SFMBT2: variants seen among roughly 807,000 people sequenced by gnomAD.
SFMBT2 encodes scm-like with four MBT domains protein 2.
Under a neutral mutation model 110.1 loss-of-function variants are expected in SFMBT2, and 38 were observed. That is an observed-to-expected ratio of 0.35 (90% CI 0.27 to 0.45). SFMBT2 has a LOEUF of 0.45. Among genes scored for constraint, SFMBT2 ranks in the 20% least tolerant of loss-of-function variants. The pLI is 1.00. For synonymous variants in SFMBT2, 425 were observed against 425.4 expected (o/e 1.00, Z 0.01); for missense variants, 1,011 against 1,094.9 (o/e 0.92, Z 1.08).
chr10:7,337,484 A>G (rs1010979562), intron 4 of SFMBT2, among the ~76,000 whole-genome samples: 6 of 152,146 alleles, frequency 3.9e-5, no homozygotes, highest in Non-Finnish European at 7.4e-5. Flanking sequence ...TGTCATGGTA[A>G]AAGTGAGTTA....
chr10:7,214,206 A>G (rs1033003388), intron 11 of SFMBT2, among the ~76,000 whole-genome samples: 16 of 152,198 alleles, frequency 1.1e-4, no homozygotes, highest in African/African-American at 3.9e-4. Context: ...CCTTCTTAAC[A>G]AGAGGTTAAG....
rs559253492 is a variant in SFMBT2, at chr10:7,250,893, C to T, written c.871-2244G>A. Reference sequence around the variant, plus strand: ...GAATCAAAGGCTACTGTACAGAGAGCGAATGTGGATTAACACACACCAGCC... The same window carrying T: ...GAATCAAAGGCTACTGTACAGAGAGTGAATGTGGATTAACACACACCAGCC... On this transcript the variant is annotated intron_variant, in intron 7 of 20. Transcript: ENST00000397167. Among the ~76,000 whole-genome samples, 28 of 152,186 alleles carry T rather than the reference C, an allele frequency of 1.8e-4. No individual in the cohort carries two copies. The South Asian group carries it at 2.7e-3, about 15-fold the overall frequency.
intron 3 of SFMBT2, chr10:7,368,511 G>A (rs184301219): frequency 9.0e-6 from 2 of 221,896 alleles, no homozygotes; most frequent in East Asian, 3.6e-4. Flanking sequence ...ACTTGCATGG[G>A]TCTGAGGCTA....
At chr10:7,215,078 A>G (rs890663123) in intron 11 of SFMBT2, among the ~76,000 whole-genome samples, 54 of 152,314 alleles carry the variant, frequency 3.5e-4, no homozygotes, top group African/African-American at 1.2e-3. Context: ...AATAGGAGGA[A>G]AAGTGTATGA....
At chr10:7,409,709 G>A in intron 1 of SFMBT2, among the ~76,000 whole-genome samples, 1 of 151,862 alleles carries the variant, frequency 6.6e-6, no homozygotes, top group African/African-American at 2.4e-5. Context: ...GCGCTTCCTG[G>A]GGTAGCCAAA....
intron 4 of SFMBT2, among the ~76,000 whole-genome samples, chr10:7,364,717 G>C (rs1844835772): frequency 6.6e-6 from 1 of 152,206 alleles, no homozygotes; most frequent in African/African-American, 2.4e-5. Context: ...CAAGGATGGG[G>C]CCTGAGGCTC....
intron 1 of SFMBT2, among the ~76,000 whole-genome samples, chr10:7,388,574 CCAT>C (rs1845683886): frequency 7.1e-6 from 1 of 141,252 alleles, no homozygotes; most frequent in African/African-American, 2.7e-5. Flanking sequence ...CGGAATTTCA[CCAT>C]GTTGGCCAGG....
chr10:7,406,637 A>G (rs1846218166), intron 1 of SFMBT2, among the ~76,000 whole-genome samples: 1 of 152,220 alleles, frequency 6.6e-6, no homozygotes, highest in African/African-American at 2.4e-5. Context: ...GAAGCCAGTT[A>G]TTTATAACAA....
chr10:7,235,464 A>C (rs1840224471), intron 9 of SFMBT2, among the ~76,000 whole-genome samples: 1 of 151,990 alleles, frequency 6.6e-6, no homozygotes, highest in Non-Finnish European at 1.5e-5. Context: ...CGCCAGTCTA[A>C]TGATCCTGAA....
intron 11 of SFMBT2, chr10:7,215,474 A>G (rs1839503581): frequency 2.4e-6 from 2 of 819,578 alleles, no homozygotes; most frequent in African/African-American, 1.9e-5. Context: ...GGGGATCTCC[A>G]TAGATTAATT....
intron 4 of SFMBT2, among the ~76,000 whole-genome samples, chr10:7,308,108 G>A (rs996115777): frequency 6.6e-6 from 1 of 152,186 alleles, no homozygotes; most frequent in African/African-American, 2.4e-5. Context: ...TAGTGCCTGA[G>A]ACTCAGGAGG....
At chr10:7,241,451 G>C (rs1840427590) in intron 9 of SFMBT2, 1 of 660,932 alleles carries the variant, frequency 1.5e-6, no homozygotes, top group Admixed American at 6.3e-5. Context: ...ATATTCTTTT[G>C]AGTTTCTGAA....
chr10:7,338,455 G>A (rs553529673), intron 4 of SFMBT2, among the ~76,000 whole-genome samples: 1 of 152,284 alleles, frequency 6.6e-6, no homozygotes, highest in East Asian at 1.9e-4. Context: ...TATGTTCTAT[G>A]TATTATGTGC....
At chr10:7,228,240 G>A (rs1308156775) in intron 9 of SFMBT2, 7 of 267,558 alleles carry the variant, frequency 2.6e-5, no homozygotes, top group Admixed American at 1.3e-4. Context: ...CCAGGATATG[G>A]CATAAAATAC....
chr10:7,204,798 G>A (rs1278683858), intron 12 of SFMBT2: 3 of 275,018 alleles, frequency 1.1e-5, no homozygotes, highest in Admixed American at 6.5e-5. Flanking sequence ...TCTTGAACCC[G>A]GGAGGTGGAG....
intron 11 of SFMBT2, among the ~76,000 whole-genome samples, chr10:7,212,851 C>T (rs4748767): frequency 0.21 from 32,174 of 152,040 alleles, 4,292 homozygotes; most frequent in South Asian, 0.37. Flanking sequence ...CAATGATAGA[C>T]GGGATAAAGA....
intron 1 of SFMBT2, among the ~76,000 whole-genome samples, chr10:7,393,304 T>G (rs1845833662): frequency 6.6e-6 from 1 of 152,056 alleles, no homozygotes; most frequent in South Asian, 2.1e-4. Flanking sequence ...GTGCTGGGAT[T>G]ACAGACATGA....
At chr10:7,226,032 T>A (rs148544349) in intron 10 of SFMBT2, among the ~76,000 whole-genome samples, 2,468 of 152,282 alleles carry the variant, frequency 0.016, 33 homozygotes, top group Admixed American at 0.021. Flanking sequence ...CCCTGTCACC[T>A]AAACACACAC....
chr10:7,243,412 G>A, intron 9 of SFMBT2, 146 bp downstream of exon 9: 2 of 642,476 alleles, frequency 3.1e-6, no homozygotes, highest in South Asian at 4.0e-5. Flanking sequence ...TGACACCTAT[G>A]TCAAGCTGAT....
Sources: gnomAD v4.1 joint callset for allele counts (sites outside exome capture counted in the v4.1 genomes callset) on GRCh38, gnomAD v4.1.1 for gene constraint, MANE v1.5 for transcripts, NCBI Gene and HGNC (gene_info 2026-07-23, HGNC 2026-07-21) for gene names.